Variants in TENM2 observed in about 807,000 individuals in gnomAD.
TENM2 encodes teneurin transmembrane protein 2.
A neutral mutation model predicts 245.2 loss-of-function variants in TENM2; 52 were observed. That is an observed-to-expected ratio of 0.21 (90% confidence interval 0.17 to 0.27). The LOEUF (loss-of-function observed/expected upper bound fraction) is 0.27, where lower values mean the gene tolerates loss of function less well. TENM2 is among the 10% of genes least tolerant of loss of function. The pLI is 1.00. For synonymous variants in TENM2, 1,363 were observed against 1,438.9 expected, an observed-to-expected ratio of 0.95 and a Z score of 1.19; for missense variants, 3,046 against 3,666.8, an observed-to-expected ratio of 0.83 and a Z score of 4.37.
intron 2 of TENM2, among the ~76,000 whole-genome samples, chr5:167,378,864 CTTTT>C (rs35919553): frequency 7.3e-6 from 1 of 136,200 alleles, no homozygotes. Flanking sequence ...TAAAAATTTC[CTTTT>C]TTTTTTTTTT....
chr5:167,092,158 T>C, the TENM2 span, among the ~76,000 whole-genome samples: 1 of 152,084 alleles, frequency 6.6e-6, no homozygotes, highest in Non-Finnish European at 1.5e-5. Context: ...TGTTTTTATA[T>C]TGGTATGTGG....
At chr5:168,081,415 A>G (rs1181588511) in intron 7 of TENM2, among the ~76,000 whole-genome samples, 1 of 152,184 alleles carries the variant, frequency 6.6e-6, no homozygotes, top group East Asian at 1.9e-4. Context: ...TAATTGGAGC[A>G]TTTAGCCCAT....
At chr5:167,146,932 A>C in the TENM2 span, among the ~76,000 whole-genome samples, 1 of 152,206 alleles carries the variant, frequency 6.6e-6, no homozygotes, top group Non-Finnish European at 1.5e-5. Context: ...TTAGGACACT[A>C]GATGGTACAT....
At chr5:167,543,593 C>G (rs1217122493) in intron 2 of TENM2, among the ~76,000 whole-genome samples, 1 of 152,138 alleles carries the variant, frequency 6.6e-6, no homozygotes, top group East Asian at 1.9e-4. Context: ...TTTTATAGAG[C>G]AACTGCAACA....
chr5:168,243,767 A>T (rs1766307648), intron 25 of TENM2, among the ~76,000 whole-genome samples: 1 of 152,122 alleles, frequency 6.6e-6, no homozygotes, highest in Non-Finnish European at 1.5e-5. Flanking sequence ...AATTTTCACC[A>T]TTCACACTTT....
intron 3 of TENM2, among the ~76,000 whole-genome samples, chr5:167,883,769 A>T (rs1169566869): frequency 6.6e-6 from 1 of 152,226 alleles, no homozygotes; most frequent in African/African-American, 2.4e-5. Flanking sequence ...TCGCAAATTC[A>T]CTTAAAGAGT....
chr5:167,410,154 A>C (rs1762834164), intron 2 of TENM2, among the ~76,000 whole-genome samples: 1 of 151,994 alleles, frequency 6.6e-6, no homozygotes, highest in African/African-American at 2.4e-5. Context: ...GATACCAGCA[A>C]ACACCTCCAA....
intron 2 of TENM2, among the ~76,000 whole-genome samples, chr5:167,866,839 C>G (rs989847792): frequency 6.6e-6 from 1 of 152,202 alleles, no homozygotes; most frequent in Non-Finnish European, 1.5e-5. Flanking sequence ...ATGGTAGCCA[C>G]TAGCCGGATG....
At chr5:168,194,872 G>T (rs568443974) in intron 14 of TENM2, among the ~76,000 whole-genome samples, 3 of 152,248 alleles carry the variant, frequency 2.0e-5, no homozygotes, top group Admixed American at 1.3e-4. Context: ...GAGCACCTGG[G>T]AATGATGAGG....
the TENM2 span, chr5:167,116,734 CA>C: frequency 6.6e-6 from 1 of 151,812 alleles, no homozygotes; most frequent in Non-Finnish European, 1.5e-5. Flanking sequence ...TGAAGTAACG[CA>C]AAACTACTGT....
At chr5:168,027,327 C>G (rs965965133) in intron 5 of TENM2, among the ~76,000 whole-genome samples, 1 of 152,176 alleles carries the variant, frequency 6.6e-6, no homozygotes, top group African/African-American at 2.4e-5. Context: ...GCAGCCTCCC[C>G]CTTACATCCA....
At chr5:167,703,550 C>G (rs1758311516) in intron 2 of TENM2, among the ~76,000 whole-genome samples, 1 of 119,506 alleles carries the variant, frequency 8.4e-6, no homozygotes, top group Non-Finnish European at 1.7e-5. Flanking sequence ...AAAAAAAAGG[C>G]TACATTAACT....
intron 2 of TENM2, among the ~76,000 whole-genome samples, chr5:167,807,900 G>A (rs1404068345): frequency 6.6e-6 from 1 of 152,122 alleles, no homozygotes; most frequent in African/African-American, 2.4e-5. Flanking sequence ...TGTAGGAATG[G>A]GATCCAGGCA....
chr5:167,549,861 C>A (rs1772816419), intron 2 of TENM2, among the ~76,000 whole-genome samples: 1 of 152,008 alleles, frequency 6.6e-6, no homozygotes, highest in Non-Finnish European at 1.5e-5. Flanking sequence ...TTCATGGATT[C>A]CTCCTTTAAA....
At chr5:167,735,088 A>G (rs1030141888) in intron 2 of TENM2, among the ~76,000 whole-genome samples, 2 of 152,224 alleles carry the variant, frequency 1.3e-5, no homozygotes, top group East Asian at 1.9e-4. Flanking sequence ...ATATCTATAT[A>G]TAAAGAGAAA....
At chr5:166,985,663 G>A in the TENM2 span, among the ~76,000 whole-genome samples, 1 of 152,126 alleles carries the variant, frequency 6.6e-6, no homozygotes, top group Non-Finnish European at 1.5e-5. Context: ...GGATGTGTCT[G>A]TTGCTTAATT....
At chr5:167,913,391 G>A (rs1424054328) in intron 3 of TENM2, among the ~76,000 whole-genome samples, 2 of 152,194 alleles carry the variant, frequency 1.3e-5, no homozygotes, top group East Asian at 1.9e-4. Flanking sequence ...ATAAGTTTAA[G>A]TGGTGTTACA....
chr5:167,961,599 A>C (rs909343451), intron 4 of TENM2, among the ~76,000 whole-genome samples: 1 of 152,346 alleles, frequency 6.6e-6, no homozygotes, highest in Non-Finnish European at 1.5e-5. Context: ...ATTATCAATC[A>C]GTTGTTATTG....
intron 2 of TENM2, among the ~76,000 whole-genome samples, chr5:167,741,307 A>C (rs1398429097): frequency 6.6e-6 from 1 of 152,328 alleles, no homozygotes; most frequent in South Asian, 2.1e-4. Flanking sequence ...TAGATGCTCA[A>C]CAAGTATGTG....
Sources: allele counts gnomAD v4.1 joint callset (sites outside exome capture counted in the v4.1 genomes callset), GRCh38; gene constraint gnomAD v4.1.1; transcripts MANE v1.5; gene names NCBI Gene and HGNC (gene_info 2026-07-23, HGNC 2026-07-21).